FAT3: variants seen among roughly 807,000 people sequenced by gnomAD.
FAT3 encodes FAT atypical cadherin 3.
FAT3 carries 95 observed loss-of-function variants against 310.2 expected under a neutral mutation model. The observed-to-expected ratio is 0.31, with a 90% CI of 0.26 to 0.36. The LOEUF (loss-of-function observed/expected upper bound fraction) is 0.36. FAT3 is among the 10% of genes least tolerant of loss of function. The probability of loss-of-function intolerance (pLI) is 1.00; values close to 1 mark genes in which losing one functional copy is unlikely to be tolerated. For synonymous variants in FAT3, 2,314 were observed against 2,192.9 expected (o/e 1.06, Z -1.54); for missense variants, 5,408 against 5,715.6 (o/e 0.95, Z 1.74).
rs1277798282 is a variant in FAT3 at position 92,335,656 on chromosome 11, AGT to A, written c.-17-16437_-17-16436del. On this transcript the variant is annotated intron_variant, in intron 1 of 27. Coordinates refer to ENST00000525166, the MANE Select transcript of FAT3 (RefSeq NM_001367949.2). The stretch of plus-strand genomic sequence containing the variant: ...AAATTGACCATCTTAGCCATTTTTA[AGT>A]GTACAGTTCAGTAATGTTAAGTATA... Among the ~76,000 whole-genome samples, 6 of 152,344 alleles carry A rather than the reference AGT, an allele frequency of 3.9e-5. No individual in the cohort carries two copies. In the East Asian group the frequency reaches 1.2e-3, roughly 29 times the overall value.
At chr11:92,844,872 T>G in intron 19 of FAT3, 140 bp downstream of exon 19, 4 of 1,065,540 alleles carry the variant, frequency 3.8e-6, no homozygotes, top group Non-Finnish European at 5.2e-6. Context: ...AAAGCCATGA[T>G]AGATGCTGGG....
chr11:92,284,430 G>A (rs567863875), intron 1 of FAT3, among the ~76,000 whole-genome samples: 6 of 152,164 alleles, frequency 3.9e-5, no homozygotes, highest in Non-Finnish European at 8.8e-5. Flanking sequence ...ACTAGTTTTT[G>A]TTCCAACTCT....
At chr11:92,510,445 A>T (rs938541416) in intron 2 of FAT3, among the ~76,000 whole-genome samples, 3 of 152,138 alleles carry the variant, frequency 2.0e-5, no homozygotes, top group Admixed American at 2.0e-4. Flanking sequence ...CAAGCTGTAC[A>T]TGTCACTCCC....
intron 20 of FAT3, 149 bp downstream of exon 20, chr11:92,857,497 A>G: frequency 9.5e-7 from 1 of 1,055,742 alleles, no homozygotes; most frequent in South Asian, 1.6e-5. Flanking sequence ...TAACATCCAC[A>G]CTCACATTTA....
chr11:92,412,734 T>TATATATATATGTACACAC (rs1950313651), intron 2 of FAT3, among the ~76,000 whole-genome samples: 1 of 11,882 alleles, frequency 8.4e-5, no homozygotes, highest in Non-Finnish European at 2.4e-4. Flanking sequence ...TATATATATA[T>TATATATATATGTACACAC]ATATATATAT....
intron 3 of FAT3, among the ~76,000 whole-genome samples, chr11:92,595,534 C>T (rs1939661734): frequency 6.6e-6 from 1 of 152,110 alleles, no homozygotes; most frequent in Non-Finnish European, 1.5e-5. Flanking sequence ...CCCAGGATTT[C>T]CCCACTTGTT....
At chr11:92,320,213 A>G (rs1477606647) in intron 1 of FAT3, among the ~76,000 whole-genome samples, 1 of 152,190 alleles carries the variant, frequency 6.6e-6, no homozygotes, top group Non-Finnish European at 1.5e-5. Context: ...GCATCAGCCT[A>G]ATAAAACACA....
Position 92,352,713 on chromosome 11 carries a change from G to A in FAT3, c.601G>A (p.Val201Ile). 13 of 1,613,770 alleles carry A rather than the reference G, an allele frequency of 8.1e-6. No individual in the cohort carries two copies. The highest frequency in any genetic ancestry group is 1.7e-4 in the Middle Eastern group (1 of 6,058). ...GEFYYYFKNK[V>I]DLFSVHPTSG... Reference sequence around the variant, plus strand: ...ATTCTACTACTACTTTAAAAATAAAGTTGATCTCTTTTCAGTTCACCCCAC... The same window carrying A: ...ATTCTACTACTACTTTAAAAATAAAATTGATCTCTTTTCAGTTCACCCCAC... The change falls in exon 2 of 28, where the codon GTT becomes ATT. Residue 201 changes from valine (V) to isoleucine (I), a missense_variant. Physicochemically the swap from Val to Ile is conservative, Grantham distance 29. Coordinates refer to ENST00000525166, the MANE Select transcript of FAT3 (RefSeq NM_001367949.2).
chr11:92,500,181 GACCTGTC>G (rs1314613900), intron 2 of FAT3, among the ~76,000 whole-genome samples: 1 of 151,970 alleles, frequency 6.6e-6, no homozygotes, highest in African/African-American at 2.4e-5. Flanking sequence ...AAAATGCTAA[GACCTGTC>G]ACACATATCA....
chr11:92,645,443 T>G (rs1408525421), intron 3 of FAT3, among the ~76,000 whole-genome samples: 2 of 150,310 alleles, frequency 1.3e-5, no homozygotes, highest in African/African-American at 4.9e-5. Flanking sequence ...CCTTTTTTCC[T>G]AATAAAAGTT....
intron 3 of FAT3, among the ~76,000 whole-genome samples, chr11:92,645,012 CAG>C (rs2135739080): frequency 6.6e-6 from 1 of 152,004 alleles, no homozygotes; most frequent in South Asian, 2.1e-4. Context: ...TTTCCTCTAA[CAG>C]AGTGAGCCAT....
At chr11:92,848,714 G>A (rs889882760) in intron 19 of FAT3, among the ~76,000 whole-genome samples, 2 of 152,228 alleles carry the variant, frequency 1.3e-5, no homozygotes, top group Non-Finnish European at 2.9e-5. Flanking sequence ...CAAATGAAAT[G>A]GATGGAGTGT....
At chr11:92,540,272 G>T (rs1180213321) in intron 3 of FAT3, among the ~76,000 whole-genome samples, 1 of 152,096 alleles carries the variant, frequency 6.6e-6, no homozygotes, top group African/African-American at 2.4e-5. Flanking sequence ...GCTCTGAAGG[G>T]TGACCTTGAA....
chr11:92,290,651 C>T (rs1946666041), intron 1 of FAT3, among the ~76,000 whole-genome samples: 1 of 151,620 alleles, frequency 6.6e-6, no homozygotes, highest in Non-Finnish European at 1.5e-5. Flanking sequence ...ATAATCTAAG[C>T]TACTCAGGAG....
At chr11:92,817,970 A>T (rs539153770) in intron 13 of FAT3, among the ~76,000 whole-genome samples, 1 of 152,186 alleles carries the variant, frequency 6.6e-6, no homozygotes, top group Non-Finnish European at 1.5e-5. Flanking sequence ...ACTCTAGTGG[A>T]AAAGCATCTC....
intron 2 of FAT3, among the ~76,000 whole-genome samples, chr11:92,443,186 A>C (rs1951119701): frequency 6.6e-6 from 1 of 152,170 alleles, no homozygotes. Context: ...ATGAGAGAAA[A>C]ATCAAGTGAG....
At chr11:92,528,165 T>C (rs895150432) in intron 3 of FAT3, among the ~76,000 whole-genome samples, 6 of 152,242 alleles carry the variant, frequency 3.9e-5, no homozygotes, top group Non-Finnish European at 8.8e-5. Flanking sequence ...TGGGTTTTTT[T>C]CTACCACATC....
chr11:92,432,579 T>C (rs1950815895), intron 2 of FAT3, among the ~76,000 whole-genome samples: 1 of 152,166 alleles, frequency 6.6e-6, no homozygotes, highest in South Asian at 2.1e-4. Context: ...TTTGCCTGAG[T>C]GTCACCAGTG....
At chr11:92,482,877 T>G (rs1325506652) in intron 2 of FAT3, among the ~76,000 whole-genome samples, 1 of 152,180 alleles carries the variant, frequency 6.6e-6, no homozygotes, top group African/African-American at 2.4e-5. Flanking sequence ...GTTTCTGGGA[T>G]TTATAACACC....
Sources: gnomAD v4.1 joint callset for allele counts (sites outside exome capture counted in the v4.1 genomes callset) on GRCh38, gnomAD v4.1.1 for gene constraint, MANE v1.5 for transcripts, NCBI Gene and HGNC (gene_info 2026-07-23, HGNC 2026-07-21) for gene names.